GRIA4: variants seen among roughly 807,000 people sequenced by gnomAD.
GRIA4 encodes glutamate ionotropic receptor AMPA type subunit 4.
Under a neutral mutation model 104.0 loss-of-function variants are expected in GRIA4, and 34 were observed. That is an observed-to-expected ratio of 0.33 (90% confidence interval 0.25 to 0.44). The LOEUF (loss-of-function observed/expected upper bound fraction) is 0.44. Among genes scored for constraint, GRIA4 ranks in the 20% least tolerant of loss-of-function variants. The probability of loss-of-function intolerance (pLI) is 1.00; values close to 1 mark genes in which losing one functional copy is unlikely to be tolerated. For synonymous variants in GRIA4, 386 were observed against 381.9 expected, an observed-to-expected ratio of 1.01 and a Z score of -0.13; for missense variants, 750 against 1,096.5, an observed-to-expected ratio of 0.68 and a Z score of 4.46.
At chr11:105,685,317 T>C (rs1387718151) in intron 3 of GRIA4, among the ~76,000 whole-genome samples, 1 of 152,174 alleles carries the variant, frequency 6.6e-6, no homozygotes, top group East Asian at 1.9e-4. Context: ...AAATTTAGAT[T>C]ACCAGCCCGA....
At chr11:105,842,019 C>T (rs982024579) in intron 4 of GRIA4, among the ~76,000 whole-genome samples, 1 of 152,062 alleles carries the variant, frequency 6.6e-6, no homozygotes, top group Admixed American at 6.6e-5. Flanking sequence ...TTTTTCACAT[C>T]AAGTCCCAGG....
intron 3 of GRIA4, among the ~76,000 whole-genome samples, chr11:105,728,666 T>G (rs569115513): frequency 5.3e-5 from 8 of 152,172 alleles, no homozygotes; most frequent in Non-Finnish European, 1.0e-4. Flanking sequence ...CAGACTGCAG[T>G]GCAATCAAAT....
intron 3 of GRIA4, among the ~76,000 whole-genome samples, chr11:105,682,712 A>G (rs1276403221): frequency 1.3e-5 from 2 of 152,190 alleles, no homozygotes; most frequent in African/African-American, 2.4e-5. Flanking sequence ...TTCAGATGGT[A>G]GTTAGCTCTT....
rs112280704 is a variant in GRIA4, at chr11:105,812,669, T to C, written c.488-49355T>C. ...CCCCATAGGGCTGTATCACAAATAG[T>C]TAATATTGTTAACCCAAATTAGAAC... On this transcript the variant is annotated intron_variant, in intron 4 of 16. Coordinates refer to ENST00000282499, the MANE Select transcript of GRIA4 (RefSeq NM_000829.4). Among the ~76,000 whole-genome samples, 1,516 of 152,282 alleles carry C rather than the reference T, an allele frequency of 1.0e-2. 32 individuals carry two copies. Among genetic ancestry groups the C allele is most frequent in the African/African-American group, 0.035 (1,453 of 41,564 alleles).
chr11:105,623,803 T>A (rs1950815769), intron 3 of GRIA4, among the ~76,000 whole-genome samples: 1 of 152,108 alleles, frequency 6.6e-6, no homozygotes, highest in Non-Finnish European at 1.5e-5. Flanking sequence ...TATTTCCAAA[T>A]ATTTGTTTAC....
chr11:105,898,348 C>A lies in GRIA4; in HGVS notation c.806C>A (p.Thr269Lys). ...GGATTCCAGTTGGTGGATTTTAATA[C>A]ACCTATGGTAATCAAACTAATGGAT... is the stretch of plus-strand genomic sequence containing the variant. Reference protein sequence around the residue: ...VTGFQLVDFNTPMVIKLMDRW... With the variant: ...VTGFQLVDFNKPMVIKLMDRW... The change falls in exon 7 of 17, where the codon ACA (threonine) becomes AAA (lysine). Residue 269 changes from threonine (T) to lysine (K), a missense_variant. By Grantham distance (78) the Thr-to-Lys change is moderately conservative (BLOSUM62 -1). Coordinates refer to ENST00000282499, the MANE Select transcript of GRIA4 (RefSeq NM_000829.4). 1 of 1,577,344 alleles carries A rather than the reference C, an allele frequency of 6.3e-7. No homozygotes were observed. The highest frequency in any genetic ancestry group is 8.7e-7 in the Non-Finnish European group (1 of 1,146,720).
intron 3 of GRIA4, among the ~76,000 whole-genome samples, chr11:105,705,452 A>C (rs997641642): frequency 1.3e-5 from 2 of 152,154 alleles, no homozygotes; most frequent in African/African-American, 4.8e-5. Flanking sequence ...CTAAAACAAC[A>C]CCATAAATAA....
chr11:105,925,393 T>C (rs1947677898), intron 12 of GRIA4, among the ~76,000 whole-genome samples: 1 of 152,148 alleles, frequency 6.6e-6, no homozygotes, highest in Admixed American at 6.6e-5. Flanking sequence ...AGATATCATT[T>C]AACCATTATA....
intron 14 of GRIA4, among the ~76,000 whole-genome samples, chr11:105,942,293 T>C (rs2186589): frequency 0.28 from 42,580 of 151,872 alleles, 5,976 homozygotes; most frequent in Non-Finnish European, 0.3. Flanking sequence ...AGTAATAATA[T>C]TGTATAAGCC....
intron 4 of GRIA4, among the ~76,000 whole-genome samples, chr11:105,772,530 A>G (rs1364367724): frequency 1.3e-5 from 2 of 152,128 alleles, no homozygotes; most frequent in African/African-American, 2.4e-5. Context: ...TGCATATAAC[A>G]TATAAAATAT....
intron 5 of GRIA4, among the ~76,000 whole-genome samples, chr11:105,867,265 T>C (rs1247222347): frequency 6.6e-6 from 1 of 152,124 alleles, no homozygotes; most frequent in African/African-American, 2.4e-5. Context: ...GGAAAATTTC[T>C]CAAACCTAAA....
At chr11:105,868,651 C>A (rs1009226115) in intron 5 of GRIA4, among the ~76,000 whole-genome samples, 1 of 152,098 alleles carries the variant, frequency 6.6e-6, no homozygotes, top group African/African-American at 2.4e-5. Flanking sequence ...CTACATGTCC[C>A]AGAGTTTGTT....
Position 105,634,462 on chromosome 11 carries a change from A to AGG in GRIA4, c.247+22029_247+22030insGG, listed in dbSNP as rs758190480. Among the ~76,000 whole-genome samples the AGG allele has an allele frequency of 5.4e-3, 754 of 139,898 alleles. 4 individuals are homozygous for AGG. The highest frequency in any genetic ancestry group is 0.016 in the African/African-American group (557 of 35,748). 91.8% of individuals were successfully genotyped at this position (139,898 alleles called of 152,430 possible). On this transcript the variant is annotated intron_variant, in intron 3 of 16. Transcript: ENST00000282499. ...AAAGGAAGGAAGGAGAAAGAAAGAA[A>AGG]GAAAGGGAAAGAAAGAAAGAAAGAA...
At position 105,634,801 on chromosome 11, in the gene GRIA4, T is replaced by C. The variant is rs568435920; in HGVS notation, c.247+22367T>C. On this transcript the variant is annotated intron_variant, in intron 3 of 16. Coordinates refer to ENST00000282499, the MANE Select transcript of GRIA4 (RefSeq NM_000829.4). ...TGTATTATTTTCTGGGTTTGCTGCA[T>C]GATTTTGAAAATAAAACATTGTCAG... Among the ~76,000 whole-genome samples, 83 of 152,320 alleles carry C rather than the reference T, an allele frequency of 5.4e-4. 1 individual carries two copies. In the South Asian group the frequency reaches 0.016, roughly 29 times the overall value.
Position 105,979,632 on chromosome 11 carries a change from G to A in GRIA4, c.2602G>A (p.Gly868Arg). Residue 868 changes from glycine to arginine, a missense_variant, in exon 17 of 17, where the codon GGA becomes AGA. This residue lies in a region of GRIA4 where 68 missense variants were observed against 69.3 expected (regional missense o/e 0.98). Coordinates refer to ENST00000282499, the MANE Select transcript of GRIA4 (RefSeq NM_000829.4). ...KARLSITGSV[G>R]ENGRVLTPDC... Reference sequence around the variant, plus strand: ...CAGATTATCCATCACTGGGAGTGTGGGAGAGAATGGCCGCGTCTTGACGCC... The same window carrying A: ...CAGATTATCCATCACTGGGAGTGTGAGAGAGAATGGCCGCGTCTTGACGCC... 6.2e-7 allele frequency: 1 copy of A among 1,613,938 alleles called. No homozygotes were observed. The highest frequency in any genetic ancestry group is 1.1e-5 in the South Asian group (1 of 91,076).
chr11:105,776,703 A>G (rs1352205523), intron 4 of GRIA4, among the ~76,000 whole-genome samples: 1 of 152,170 alleles, frequency 6.6e-6, no homozygotes, highest in African/African-American at 2.4e-5. Context: ...TGGTTTGGAA[A>G]GTCCCAAAGA....
At chr11:105,760,717 C>T (rs184371030) in intron 4 of GRIA4, among the ~76,000 whole-genome samples, 8 of 151,920 alleles carry the variant, frequency 5.3e-5, no homozygotes, top group Non-Finnish European at 8.8e-5. Flanking sequence ...GATTCTAAGG[C>T]CTATTCATGT....
At chr11:105,789,199 C>A (rs2135797874) in intron 4 of GRIA4, among the ~76,000 whole-genome samples, 1 of 151,964 alleles carries the variant, frequency 6.6e-6, no homozygotes, top group African/African-American at 2.4e-5. Flanking sequence ...AAAAAGGCAG[C>A]AAAAACAACT....
chr11:105,866,551 G>GTGTGTGTATA (rs1299256765), intron 5 of GRIA4, among the ~76,000 whole-genome samples: 1 of 76,752 alleles, frequency 1.3e-5, no homozygotes, highest in Non-Finnish European at 2.3e-5. Context: ...GTGTGTGTGT[G>GTGTGTGTATA]TATATATATA....
Sources: allele counts gnomAD v4.1 joint callset (sites outside exome capture counted in the v4.1 genomes callset), GRCh38; gene constraint gnomAD v4.1.1; regional missense constraint gnomAD v4.1.1; transcripts MANE v1.5; gene names NCBI Gene and HGNC (gene_info 2026-07-23, HGNC 2026-07-21).